Variants in ANXA8 observed in about 807,000 individuals in gnomAD.
ANXA8 encodes the protein VAC-beta.
Under a neutral mutation model 26.8 loss-of-function variants are expected in ANXA8, and 9 were observed. The observed-to-expected ratio is 0.34, with a 90% CI of 0.20 to 0.59. ANXA8 has a LOEUF of 0.59. Among genes scored for constraint, ANXA8 ranks in the 20% least tolerant of loss-of-function variants. The pLI, the probability that ANXA8 is intolerant of heterozygous loss-of-function variation, is 0.84. For missense variants in ANXA8, 83 were observed against 238.5 expected, an observed-to-expected ratio of 0.35 and a Z score of 4.29; for synonymous variants, 39 against 94.8, an observed-to-expected ratio of 0.41 and a Z score of 3.42.
At chr10:47,693,352 C>T in the ANXA8 span, among the ~76,000 whole-genome samples, 141 of 150,122 alleles carry the variant, frequency 9.4e-4, 1 homozygote, top group African/African-American at 3.2e-3. Context: ...TGCAGTGGCG[C>T]GATGTCTGCT....
chr10:47,567,234 G>A, the ANXA8 span, among the ~76,000 whole-genome samples: 3 of 120,694 alleles, frequency 2.5e-5, 1 homozygote, highest in East Asian at 6.4e-4. Flanking sequence ...GGGCCTCTCA[G>A]GAGAGAAACT....
chr10:47,680,338 A>G, the ANXA8 span, among the ~76,000 whole-genome samples: 27 of 151,898 alleles, frequency 1.8e-4, no homozygotes, highest in African/African-American at 6.3e-4. Flanking sequence ...GATATGTATC[A>G]AAACATCGAA....
At chr10:47,676,197 G>A in the ANXA8 span, among the ~76,000 whole-genome samples, 19 of 151,682 alleles carry the variant, frequency 1.3e-4, no homozygotes, top group Admixed American at 1.2e-3. Context: ...GATAATATCA[G>A]ATGGTCTAAC....
the ANXA8 span, chr10:47,565,174 C>G: frequency 1.3e-5 from 9 of 708,188 alleles, no homozygotes; most frequent in African/African-American, 3.5e-5. Flanking sequence ...TGCTGGCCGC[C>G]GTGCAGGGCG....
At chr10:47,956,639 G>A in the ANXA8 span, among the ~76,000 whole-genome samples, 6 of 150,910 alleles carry the variant, frequency 4.0e-5, no homozygotes, top group Non-Finnish European at 7.4e-5. Flanking sequence ...GGCGTTCCCA[G>A]TCTCTCTGCC....
chr10:47,682,469 CTTT>C, the ANXA8 span, among the ~76,000 whole-genome samples: 3 of 121,622 alleles, frequency 2.5e-5, no homozygotes, highest in East Asian at 2.2e-4. Context: ...CTTTCTTTTT[CTTT>C]TTTTTTTTTT....
chr10:47,595,688 G>T, the ANXA8 span, among the ~76,000 whole-genome samples: 1 of 73,710 alleles, frequency 1.4e-5, no homozygotes, highest in East Asian at 2.3e-4. Flanking sequence ...AATGACAAAG[G>T]GCTCAATTCA....
the ANXA8 span, among the ~76,000 whole-genome samples, chr10:47,982,636 C>A: frequency 1.4e-5 from 2 of 143,226 alleles, no homozygotes; most frequent in Non-Finnish European, 1.5e-5. Flanking sequence ...ATGTTCATGA[C>A]CTTGGATTGG....
chr10:47,599,149 CAGA>C, the ANXA8 span, among the ~76,000 whole-genome samples: 1 of 144,868 alleles, frequency 6.9e-6, no homozygotes, highest in African/African-American at 2.7e-5. Context: ...AATTTCCACC[CAGA>C]AGGAGGATCA....
At chr10:47,546,724 T>G in the ANXA8 span, among the ~76,000 whole-genome samples, 1 of 137,884 alleles carries the variant, frequency 7.3e-6, no homozygotes, top group African/African-American at 2.6e-5. Flanking sequence ...TTTTAAAATT[T>G]AAGACACTTC....
the ANXA8 span, among the ~76,000 whole-genome samples, chr10:47,941,650 A>T: frequency 2.0e-5 from 3 of 147,200 alleles, no homozygotes; most frequent in Non-Finnish European, 3.0e-5. Context: ...AAAAAAGAAA[A>T]AAAAAACAGC....
At chr10:47,517,335 C>T in the ANXA8 span, among the ~76,000 whole-genome samples, 5 of 82,272 alleles carry the variant, frequency 6.1e-5, no homozygotes, top group African/African-American at 3.0e-4. Context: ...TGCAATGGCA[C>T]GATCTTGGCT....
chr10:47,937,152 C>T, the ANXA8 span, among the ~76,000 whole-genome samples: 1 of 149,956 alleles, frequency 6.7e-6, no homozygotes, highest in African/African-American at 2.4e-5. Context: ...CATGCCTGCC[C>T]CCCACCACCC....
At chr10:47,469,874 A>AT (rs1409290388) in intron 11 of ANXA8, among the ~76,000 whole-genome samples, 1 of 150,946 alleles carries the variant, frequency 6.6e-6, no homozygotes, top group Non-Finnish European at 1.5e-5. Flanking sequence ...CTACAATGAA[A>AT]TTTTTTTTAA....
the ANXA8 span, among the ~76,000 whole-genome samples, chr10:47,968,067 T>TA: frequency 2.6e-5 from 4 of 151,326 alleles, no homozygotes; most frequent in African/African-American, 9.7e-5. Context: ...TAGTCACAAA[T>TA]ACAGTCCTCG....
the ANXA8 span, among the ~76,000 whole-genome samples, chr10:47,689,395 C>T: frequency 6.6e-6 from 1 of 151,960 alleles, no homozygotes; most frequent in South Asian, 2.1e-4. Context: ...GCAGGATGGT[C>T]TCGATCTCCT....
At chr10:47,487,645 C>T (rs1215414312), upstream of ANXA8, among the ~76,000 whole-genome samples, 1 of 143,230 alleles carries the variant, frequency 7.0e-6, no homozygotes, top group South Asian at 2.4e-4. Context: ...GCCTGCTTAT[C>T]CTTTTTTCTG....
the ANXA8 span, among the ~76,000 whole-genome samples, chr10:47,562,757 C>A: frequency 2.2e-5 from 3 of 134,930 alleles, no homozygotes. Context: ...GGGAATCACT[C>A]AACCTCAGGA....
chr10:47,888,956 C>A, the ANXA8 span, among the ~76,000 whole-genome samples: 1 of 67,430 alleles, frequency 1.5e-5, no homozygotes, highest in African/African-American at 5.7e-5. Context: ...TAAGGTTACA[C>A]AACATTTTCT....
Sources: allele counts gnomAD v4.1 joint callset (sites outside exome capture counted in the v4.1 genomes callset), GRCh38; gene constraint gnomAD v4.1.1; transcripts MANE v1.5; gene names NCBI Gene and HGNC (gene_info 2026-07-23, HGNC 2026-07-21).